PHKA1: variants seen among roughly 807,000 people sequenced by gnomAD.
PHKA1 encodes the protein phosphorylase kinase regulatory subunit alpha 1, also known as phosphorylase b kinase regulatory subunit alpha, skeletal muscle isoform.
In PHKA1, 60 loss-of-function variants were observed where a neutral mutation model predicts 110.2. The ratio of observed to expected loss-of-function variants is 0.54; its 90% CI spans 0.44 to 0.68. The LOEUF (loss-of-function observed/expected upper bound fraction) is 0.68. PHKA1 is among the 30% of genes least tolerant of loss of function. The probability of loss-of-function intolerance (pLI) is 0.00; values close to 1 mark genes in which losing one functional copy is unlikely to be tolerated. For synonymous variants in PHKA1, 316 were observed against 333.6 expected (o/e 0.95, Z 0.58); for missense variants, 801 against 942.5 (o/e 0.85, Z 1.97).
chrX:72,646,718 G>C (rs2053364016), intron 13 of PHKA1, among the ~76,000 whole-genome samples: 1 of 111,781 alleles, frequency 8.9e-6, no homozygotes, highest in African/African-American at 3.3e-5. Flanking sequence ...CCAATGGGAA[G>C]CCCTTGTAGA....
intron 7 of PHKA1, 33 bp from the exon 8 acceptor site, chrX:72,666,330 G>C (rs782588821): frequency 2.6e-6 from 3 of 1,142,544 alleles, no homozygotes; most frequent in African/African-American, 1.8e-5. Context: ...TATATAAAAG[G>C]ATGTATTTCT....
At chrX:72,615,428 A>G (rs2052879231) in intron 21 of PHKA1, among the ~76,000 whole-genome samples, 2 of 110,773 alleles carry the variant, frequency 1.8e-5, no homozygotes. Context: ...AATAGTAACT[A>G]CAATAATTTG....
intron 22 of PHKA1, among the ~76,000 whole-genome samples, 153 bp from the exon 23 acceptor site, chrX:72,609,856 G>A (rs1450286297): frequency 9.0e-6 from 1 of 111,621 alleles, no homozygotes; most frequent in African/African-American, 3.3e-5. Context: ...AGAAAAGAAG[G>A]ATTTCTAGGA....
intron 4 of PHKA1, among the ~76,000 whole-genome samples, chrX:72,690,808 C>A (rs1177253758): frequency 8.9e-6 from 1 of 112,057 alleles, no homozygotes; most frequent in Admixed American, 9.5e-5. Flanking sequence ...CATTCTGTTG[C>A]CCAGGCTGGA....
Position 72,582,538 on chromosome X carries a change from G to A in PHKA1, c.3358C>T (p.Gln1120Ter). 8.3e-7 allele frequency: 1 copy of A among 1,202,626 alleles called. No homozygotes were observed. Residue 1120 changes from glutamine to a stop codon, truncating the protein, a stop_gained, in exon 31 of 32, where the codon CAG becomes TAG. Transcript: ENST00000373542. LOFTEE classifies it high-confidence loss of function. ...HVESVLNRVPQPEYRQLLVEA... is the reference protein window; with the variant it reads ...HVESVLNRVP ...ACCAGCAGCTGACGGTACTCTGGCTGAGGTACACGATTCAGGACAGACTCC... is the reference window on the plus strand; with the variant it reads ...ACCAGCAGCTGACGGTACTCTGGCTAAGGTACACGATTCAGGACAGACTCC...
intron 13 of PHKA1, among the ~76,000 whole-genome samples, chrX:72,647,738 G>A (rs1177975281): frequency 9.0e-6 from 1 of 110,823 alleles, no homozygotes; most frequent in Non-Finnish European, 1.9e-5. Flanking sequence ...AGGGAAGAAG[G>A]AAAAGGTTGG....
At chrX:72,653,012 A>G (rs1377768873) in intron 11 of PHKA1, among the ~76,000 whole-genome samples, 1 of 111,898 alleles carries the variant, frequency 8.9e-6, no homozygotes, top group Non-Finnish European at 1.9e-5. Flanking sequence ...GCAGTGGAGA[A>G]GAGGAACAAT....
intron 8 of PHKA1, among the ~76,000 whole-genome samples, chrX:72,665,567 C>A (rs999238396): frequency 9.0e-6 from 1 of 111,395 alleles, no homozygotes; most frequent in Non-Finnish European, 1.9e-5. Flanking sequence ...GACGAGGACA[C>A]AAGAACAACA....
chrX:72,650,941 T>G (rs782602256), intron 12 of PHKA1, among the ~76,000 whole-genome samples: 75 of 111,750 alleles, frequency 6.7e-4, no homozygotes, highest in African/African-American at 2.3e-3. Flanking sequence ...GCTGGTCTCC[T>G]GGACTCAAGC....
chrX:72,586,816 G>A (rs782063344), intron 29 of PHKA1, among the ~76,000 whole-genome samples: 16 of 109,691 alleles, frequency 1.5e-4, no homozygotes, highest in Non-Finnish European at 2.5e-4. Context: ...TCAATCAAGC[G>A]GAAGAAAGGA....
chrX:72,609,495 C>T, intron 23 of PHKA1, 129 bp downstream of exon 23: 1 of 554,534 alleles, frequency 1.8e-6, no homozygotes, highest in Non-Finnish European at 3.3e-6. Context: ...CAACATTCTT[C>T]CACTAGGTGT....
At chrX:72,660,803 C>T (rs2053550320) in intron 8 of PHKA1, 1 of 224,363 alleles carries the variant, frequency 4.5e-6, no homozygotes, top group East Asian at 9.6e-5. Context: ...AAATACAATA[C>T]TGACAGAAGA....
chrX:72,711,645 G>A (rs1337338485), intron 2 of PHKA1, among the ~76,000 whole-genome samples: 3 of 111,535 alleles, frequency 2.7e-5, no homozygotes, highest in African/African-American at 9.8e-5. Flanking sequence ...TCGGGAGGCT[G>A]AGGCAGGAGA....
At chrX:72,622,961 G>A (rs1439702404) in intron 18 of PHKA1, 148 bp downstream of exon 18, 1 of 1,107,289 alleles carries the variant, frequency 9.0e-7, no homozygotes, top group South Asian at 2.4e-5. Flanking sequence ...TAAGTAGAGG[G>A]AGGAAAAGTA....
chrX:72,601,669 C>G (rs782281959), intron 28 of PHKA1, among the ~76,000 whole-genome samples: 1 of 111,036 alleles, frequency 9.0e-6, no homozygotes, highest in South Asian at 3.9e-4. Context: ...GAGAAGCCCA[C>G]CTAAACTCTG....
rs1275607416 is a variant in PHKA1, at chrX:72,628,001, TG to T, written c.1715-953del. 3.7e-5 allele frequency among the ~76,000 whole-genome samples: 4 copies of T among 108,821 alleles called. No homozygotes were observed. The East Asian group carries it at 8.6e-4, about 23-fold the overall frequency. 94.5% of individuals were successfully genotyped at this position (108,821 alleles called of 115,157 possible). Reference sequence around the variant, plus strand: ...CCTGGCTAATTTTTTGTATTTTTTTTGTTTTTTTTAGTAGAGACGGGGTTTC... The same window carrying T: ...CCTGGCTAATTTTTTGTATTTTTTTTTTTTTTTTAGTAGAGACGGGGTTTC... On this transcript the variant is annotated intron_variant, in intron 16 of 31. Transcript: ENST00000373542.
chrX:72,674,595 T>C (rs2053753322), intron 6 of PHKA1, among the ~76,000 whole-genome samples: 1 of 112,059 alleles, frequency 8.9e-6, no homozygotes, highest in African/African-American at 3.3e-5. Context: ...TTTGGATGCA[T>C]AAATGTCTTC....
intron 10 of PHKA1, among the ~76,000 whole-genome samples, chrX:72,654,404 A>C (rs782817747): frequency 1.8e-5 from 2 of 111,560 alleles, no homozygotes; most frequent in Non-Finnish European, 3.8e-5. Flanking sequence ...CCCTCTCTTC[A>C]GTTTTCTACC....
At chrX:72,637,419 A>G (rs1454957334) in intron 14 of PHKA1, among the ~76,000 whole-genome samples, 1 of 112,216 alleles carries the variant, frequency 8.9e-6, no homozygotes, top group Non-Finnish European at 1.9e-5. Context: ...CATTTTGGGT[A>G]TACATTTTGT....
Sources: allele counts gnomAD v4.1 joint callset (sites outside exome capture counted in the v4.1 genomes callset), GRCh38; gene constraint gnomAD v4.1.1; transcripts MANE v1.5; gene names NCBI Gene and HGNC (gene_info 2026-07-23, HGNC 2026-07-21).